RIPK2: variants seen among roughly 807,000 people sequenced by gnomAD.
RIPK2 encodes receptor-interacting serine/threonine-protein kinase 2.
In RIPK2, 38 loss-of-function variants were observed where a neutral mutation model predicts 60.9. The observed-to-expected ratio is 0.62, with a 90% CI of 0.48 to 0.82. The LOEUF (loss-of-function observed/expected upper bound fraction) is 0.82. Among genes scored for constraint, RIPK2 ranks in the 40% least tolerant of loss-of-function variants. The probability of loss-of-function intolerance (pLI) is 0.00; values close to 1 mark genes in which losing one functional copy is unlikely to be tolerated. For missense variants in RIPK2, 518 were observed against 647.0 expected (o/e 0.80, Z 2.16); for synonymous variants, 225 against 223.4 (o/e 1.01, Z -0.06).
chr8:89,772,796 C>A lies in RIPK2; in HGVS notation c.821C>A (p.Ala274Glu). Residue 274 changes from alanine (A) to glutamate (E), a missense_variant, in exon 6 of 11, where the codon GCA becomes GAA. Ala to Glu is a moderately radical substitution (Grantham distance 107). This residue lies in a region of RIPK2 where 448 missense variants were observed against 534.7 expected (regional missense o/e 0.84). Coordinates refer to ENST00000220751, the MANE Select transcript of RIPK2 (RefSeq NM_003821.6). Reference sequence around the variant, plus strand: ...ATCTCTCTAATAGAAAGTGGATGGGCACAAAATCCAGATGAAAGACCATCT... The same window carrying A: ...ATCTCTCTAATAGAAAGTGGATGGGAACAAAATCCAGATGAAAGACCATCT... ...RMISLIESGW[A>E]QNPDERPSFL... The A allele has an allele frequency of 6.2e-7, 1 of 1,607,256 alleles. No individual in the cohort carries two copies. The highest frequency in any genetic ancestry group is 8.5e-7 in the Non-Finnish European group (1 of 1,176,928).
rs1360406962 is a variant in RIPK2, at chr8:89,789,403, A to G, written c.1206A>G (p.Gln402=). Residue 402 remains glutamine (Q), a synonymous_variant, in exon 10 of 11, where the codon CAA becomes CAG. Coordinates refer to ENST00000220751, the MANE Select transcript of RIPK2 (RefSeq NM_003821.6). ...GGGATAGCACCATTTCTGGATCTCA[A>G]AGGGCTGCATTCTGTGATCACAAGA... ...HSWDSTISGS[Q]RAAFCDHKTT... 9.9e-6 allele frequency: 16 copies of G among 1,613,930 alleles called. No individual in the cohort carries two copies. Among genetic ancestry groups the G allele is most frequent in the East Asian group, 2.2e-5 (1 of 44,878 alleles).
intron 6 of RIPK2, among the ~76,000 whole-genome samples, chr8:89,777,252 G>A (rs540159496): frequency 1.3e-5 from 2 of 152,342 alleles, no homozygotes; most frequent in East Asian, 3.9e-4. Flanking sequence ...AGTTTGCAGA[G>A]AAGTAAGTAT....
At chr8:89,780,736 C>A (rs1033818338) in intron 7 of RIPK2, 1 of 151,908 alleles carries the variant, frequency 6.6e-6, no homozygotes, top group East Asian at 1.9e-4. Flanking sequence ...TTCTGAGATT[C>A]CTCGCCAAGT....
intron 6 of RIPK2, among the ~76,000 whole-genome samples, chr8:89,779,838 A>G (rs39505): frequency 0.66 from 99,975 of 152,030 alleles, 34,673 homozygotes; most frequent in African/African-American, 0.89. Flanking sequence ...CTATGCTATC[A>G]TTTCCCCATT....
chr8:89,777,812 T>C (rs767800663), intron 6 of RIPK2, among the ~76,000 whole-genome samples: 1 of 152,146 alleles, frequency 6.6e-6, no homozygotes, highest in Non-Finnish European at 1.5e-5. Context: ...CTATACAGCC[T>C]GTCAGTTTTA....
At chr8:89,780,037 C>T in intron 6 of RIPK2, 38 bp from the exon 7 acceptor site, 2 of 998,012 alleles carry the variant, frequency 2.0e-6, no homozygotes, top group South Asian at 1.5e-5. Flanking sequence ...TACTTAGAAG[C>T]AATCTGAACT....
chr8:89,769,767 T>TA lies in RIPK2; in HGVS notation c.484-4dup. 2.5e-6 allele frequency: 4 copies of TA among 1,578,754 alleles called. No homozygotes were observed. In the African/African-American group the frequency reaches 4.1e-5, roughly 16 times the overall value. The stretch of plus-strand genomic sequence containing the variant: ...TTCTTAATTATTTGCTCTTGTCCCT[T>TA]ACAGATTGCAGATTTTGGTTTATCA... On this transcript the variant is annotated splice_polypyrimidine_tract_variant and splice_region_variant and intron_variant, in intron 3 of 10. Coordinates refer to ENST00000220751, the MANE Select transcript of RIPK2 (RefSeq NM_003821.6).
chr8:89,786,517 A>T, intron 8 of RIPK2, 76 bp from the exon 9 acceptor site: 1 of 882,236 alleles, frequency 1.1e-6, no homozygotes, highest in African/African-American at 1.7e-5. Flanking sequence ...GTGATAAGCC[A>T]CAAACAAGAA....
intron 7 of RIPK2, 28 bp from the exon 8 acceptor site, chr8:89,784,022 T>C (rs200470298): frequency 4.0e-5 from 47 of 1,180,014 alleles, no homozygotes; most frequent in Non-Finnish European, 5.4e-5. Flanking sequence ...CCAGTTAAAG[T>C]GTATATATAT....
chr8:89,783,980 T>C (rs55697113), intron 7 of RIPK2, 70 bp from the exon 8 acceptor site: 15,397 of 806,978 alleles, frequency 0.019, 1,149 homozygotes, highest in African/African-American at 0.19. Flanking sequence ...TGTGTTAGAT[T>C]GTATTTTACT....
chr8:89,769,763 C>A lies in RIPK2; in HGVS notation c.484-9C>A. ...AAATTTCTTAATTATTTGCTCTTGT[C>A]CCTTACAGATTGCAGATTTTGGTTT... On this transcript the variant is annotated splice_polypyrimidine_tract_variant and intron_variant, in intron 3 of 10. Coordinates refer to ENST00000220751, the MANE Select transcript of RIPK2 (RefSeq NM_003821.6). 6.4e-7 allele frequency: 1 copy of A among 1,570,462 alleles called. No homozygotes were observed. The highest frequency in any genetic ancestry group is 1.2e-5 in the South Asian group (1 of 83,700).
At chr8:89,772,214 C>G (rs555755165) in intron 5 of RIPK2, among the ~76,000 whole-genome samples, 1 of 152,142 alleles carries the variant, frequency 6.6e-6, no homozygotes, top group African/African-American at 2.4e-5. Flanking sequence ...ATATCGAAGA[C>G]TAATCTGTCC....
intron 1 of RIPK2, chr8:89,759,550 T>C (rs1809111090): frequency 2.6e-6 from 1 of 386,244 alleles, no homozygotes; most frequent in African/African-American, 2.1e-5. Flanking sequence ...CTGTCAGGCT[T>C]CGATGGCCTA....
At chr8:89,774,693 G>T (rs1015232531) in intron 6 of RIPK2, among the ~76,000 whole-genome samples, 17 of 152,088 alleles carry the variant, frequency 1.1e-4, no homozygotes, top group African/African-American at 4.1e-4. Context: ...AAGAGTCCAG[G>T]ATCCTAATAT....
intron 3 of RIPK2, among the ~76,000 whole-genome samples, chr8:89,769,288 G>A (rs555294654): frequency 1.4e-4 from 22 of 151,918 alleles, no homozygotes; most frequent in Admixed American, 7.2e-4. Flanking sequence ...GAGATTTAGT[G>A]TATTTCTTAA....
At chr8:89,788,806 G>C (rs751758996) in intron 9 of RIPK2, among the ~76,000 whole-genome samples, 3 of 151,766 alleles carry the variant, frequency 2.0e-5, no homozygotes, top group Non-Finnish European at 4.4e-5. Context: ...GAGAGAGAGA[G>C]AGAGGGAGGG....
chr8:89,757,968 A>G lies in RIPK2; in HGVS notation c.-93A>G, dbSNP rs939985396. On this transcript the variant is annotated 5_prime_UTR_variant, in exon 1 of 11. Coordinates refer to ENST00000220751, the MANE Select transcript of RIPK2 (RefSeq NM_003821.6). ...AGGGTCTTGCCGGCCTCGCTCGTGC[A>G]GGGGCGTATCTGGGCGCCTGAGCGC... 7 of 1,440,776 alleles carry G rather than the reference A, an allele frequency of 4.9e-6. No homozygotes were observed. The highest frequency in any genetic ancestry group is 2.2e-4 in the Middle Eastern group (1 of 4,460). 89.2% of individuals were successfully genotyped at this position (1,440,776 alleles called of 1,614,324 possible). A position where few individuals can be genotyped will look rare whatever the true frequency, so the allele number is the denominator to read the frequency against.
At chr8:89,765,301 G>T in intron 2 of RIPK2, 40 bp from the exon 3 acceptor site, 1 of 1,429,498 alleles carries the variant, frequency 7.0e-7, no homozygotes, top group Non-Finnish European at 9.7e-7. Context: ...AGTGAAATTT[G>T]GACTAATTTC....
intron 8 of RIPK2, among the ~76,000 whole-genome samples, chr8:89,784,486 A>G (rs1267007436): frequency 6.6e-6 from 1 of 152,226 alleles, no homozygotes; most frequent in Non-Finnish European, 1.5e-5. Context: ...CTTACCTCTT[A>G]TAATAATTAA....
Sources: allele counts gnomAD v4.1 joint callset (sites outside exome capture counted in the v4.1 genomes callset), GRCh38; gene constraint gnomAD v4.1.1; regional missense constraint gnomAD v4.1.1; transcripts MANE v1.5; gene names NCBI Gene and HGNC (gene_info 2026-07-23, HGNC 2026-07-21).